Variants in KCND3 observed in about 807,000 individuals in gnomAD.
KCND3 encodes potassium voltage-gated channel subfamily D member 3.
KCND3 carries 9 observed loss-of-function variants against 51.1 expected under a neutral mutation model. The observed-to-expected ratio is 0.18, with a 90% confidence interval of 0.11 to 0.31. The LOEUF is 0.31. Ranked by LOEUF, KCND3 falls within the 10% of genes least tolerant of loss-of-function variation. The probability of loss-of-function intolerance (pLI) is 1.00; values close to 1 mark genes in which losing one functional copy is unlikely to be tolerated. For missense variants in KCND3, 526 were observed against 903.8 expected (o/e 0.58, Z 5.36); for synonymous variants, 349 against 368.0 (o/e 0.95, Z 0.59).
intron 2 of KCND3, among the ~76,000 whole-genome samples, chr1:111,812,979 C>A (rs1053075856): frequency 6.6e-6 from 1 of 152,182 alleles, no homozygotes; most frequent in African/African-American, 2.4e-5. Flanking sequence ...GCAGGAGCAG[C>A]CAGTTCAGGC....
In KCND3 at chr1:111,780,699, C is replaced by T. The variant is rs765815341; in HGVS notation, c.1362G>A (p.Leu454=). 2.5e-6 allele frequency: 4 copies of T among 1,609,676 alleles called. No individual in the cohort carries two copies. Among genetic ancestry groups the T allele is most frequent in the Non-Finnish European group, 3.4e-6 (4 of 1,178,076 alleles). ...TCCTCTAGGCACCTACCGTCAGCTC[C>T]AGCGCCTCGTTGAGGAGCCCGTTGC... ...SKRNGLLNEA[L]ELTGTPEEEH... is the part of the protein sequence containing the mutation. The change falls in exon 4 of 8, where the codon CTG becomes CTA. Residue 454 remains leucine, a synonymous_variant. Transcript: ENST00000302127. This position sits in a 1 kb window ranked among gnomAD's most constrained non-coding sequence, Gnocchi z 4.2.
intron 2 of KCND3, among the ~76,000 whole-genome samples, chr1:111,853,473 C>G (rs1158098740): frequency 6.6e-6 from 1 of 152,180 alleles, no homozygotes; most frequent in African/African-American, 2.4e-5. Flanking sequence ...CCAACCTCCC[C>G]TCACTTCCTT....
At chr1:111,843,662 A>C (rs1667426121) in intron 2 of KCND3, among the ~76,000 whole-genome samples, 1 of 152,170 alleles carries the variant, frequency 6.6e-6, no homozygotes, top group Non-Finnish European at 1.5e-5. Context: ...GGCTGGAAAG[A>C]AGATAGTGAT....
chr1:111,885,614 C>A, intron 2 of KCND3, among the ~76,000 whole-genome samples: 1 of 152,048 alleles, frequency 6.6e-6, no homozygotes, highest in Admixed American at 6.5e-5. Flanking sequence ...GGAAGGCCAA[C>A]TGGGCAGATG....
At chr1:111,807,382 C>T (rs1006716836) in intron 2 of KCND3, among the ~76,000 whole-genome samples, 13 of 152,256 alleles carry the variant, frequency 8.5e-5, no homozygotes, top group African/African-American at 2.2e-4. Flanking sequence ...GTATTCAGTA[C>T]GATAACATGC....
At chr1:111,978,958 T>C (rs1674794409) in intron 2 of KCND3, among the ~76,000 whole-genome samples, 1 of 152,246 alleles carries the variant, frequency 6.6e-6, no homozygotes, top group Non-Finnish European at 1.5e-5. Flanking sequence ...AGCAATGACC[T>C]ACACTAGCTA....
At chr1:111,944,353 A>C (rs17029134) in intron 2 of KCND3, among the ~76,000 whole-genome samples, 1 of 152,216 alleles carries the variant, frequency 6.6e-6, no homozygotes, top group African/African-American at 2.4e-5. Context: ...CGAAAGGTTA[A>C]GATACAATTA....
intron 2 of KCND3, among the ~76,000 whole-genome samples, chr1:111,926,381 T>G (rs1297906390): frequency 6.6e-6 from 1 of 152,200 alleles, no homozygotes; most frequent in Non-Finnish European, 1.5e-5. Flanking sequence ...ATAGCCAACC[T>G]CTTATTAAAG....
chr1:111,950,451 C>T (rs892647669), intron 2 of KCND3, among the ~76,000 whole-genome samples: 9 of 152,118 alleles, frequency 5.9e-5, no homozygotes, highest in East Asian at 1.9e-4. Flanking sequence ...CCCTGAGGAC[C>T]GGCACCTGAC....
intron 2 of KCND3, among the ~76,000 whole-genome samples, chr1:111,890,767 C>T (rs946245870): frequency 1.3e-5 from 2 of 152,028 alleles, no homozygotes; most frequent in Non-Finnish European, 2.9e-5. Flanking sequence ...GGTGGGTAGA[C>T]CTGGAGAGTG....
intron 2 of KCND3, among the ~76,000 whole-genome samples, chr1:111,895,742 G>A (rs1670078086): frequency 6.6e-6 from 1 of 152,252 alleles, no homozygotes; most frequent in East Asian, 1.9e-4. Flanking sequence ...GGCTGGATGC[G>A]GAACAGGCCT....
chr1:111,842,818 C>T (rs1243429300), intron 2 of KCND3, among the ~76,000 whole-genome samples: 1 of 152,184 alleles, frequency 6.6e-6, no homozygotes, highest in Non-Finnish European at 1.5e-5. Context: ...CCCAGGGATT[C>T]TTTTCAGAAA....
intron 2 of KCND3, among the ~76,000 whole-genome samples, chr1:111,948,844 C>G (rs918654255): frequency 2.0e-5 from 3 of 151,946 alleles, no homozygotes; most frequent in African/African-American, 7.3e-5. Flanking sequence ...AAGGGAAGGG[C>G]TTCTGGAAGG....
intron 2 of KCND3, among the ~76,000 whole-genome samples, chr1:111,955,009 A>G (rs1186248275): frequency 6.6e-6 from 1 of 152,170 alleles, no homozygotes; most frequent in African/African-American, 2.4e-5. Context: ...ATTTTCACAA[A>G]TGATTTGAAT....
chr1:111,905,056 A>G (rs1670581709), intron 2 of KCND3, among the ~76,000 whole-genome samples: 2 of 152,208 alleles, frequency 1.3e-5, no homozygotes, highest in South Asian at 2.1e-4. Flanking sequence ...TCCCCAGAAC[A>G]CTGAGAATGG....
intron 2 of KCND3, among the ~76,000 whole-genome samples, chr1:111,944,419 C>T (rs1037082488): frequency 3.3e-5 from 5 of 152,236 alleles, no homozygotes; most frequent in East Asian, 3.8e-4. Flanking sequence ...AGCAGGACCC[C>T]CAAGGAGGCC....
At chr1:111,878,336 G>A (rs886143583) in intron 2 of KCND3, among the ~76,000 whole-genome samples, 3 of 152,178 alleles carry the variant, frequency 2.0e-5, no homozygotes, top group South Asian at 2.1e-4. Flanking sequence ...AATAAGACAC[G>A]GGCTTCTAGT....
At chr1:111,907,058 C>A (rs569862064) in intron 2 of KCND3, among the ~76,000 whole-genome samples, 1 of 152,202 alleles carries the variant, frequency 6.6e-6, no homozygotes, top group South Asian at 2.1e-4. Context: ...TCATTTCCCC[C>A]CTACTGTCCC....
At chr1:111,929,095 C>G (rs1055721106) in intron 2 of KCND3, among the ~76,000 whole-genome samples, 1 of 152,210 alleles carries the variant, frequency 6.6e-6, no homozygotes. Flanking sequence ...GTTGCAAGCA[C>G]CTGGTGTAAT....
Sources: gnomAD v4.1 joint callset for allele counts (sites outside exome capture counted in the v4.1 genomes callset) on GRCh38, gnomAD v4.1.1 for gene constraint, Gnocchi (gnomAD v3.1) non-coding constraint, MANE v1.5 for transcripts, NCBI Gene and HGNC (gene_info 2026-07-23, HGNC 2026-07-21) for gene names.